Variants in CHLSN observed in about 807,000 individuals in gnomAD.
The protein encoded by CHLSN is cholesin.
the CHLSN span, among the ~76,000 whole-genome samples, chr7:1,087,603 T>TG: frequency 2.0e-5 from 3 of 152,232 alleles, no homozygotes; most frequent in Non-Finnish European, 4.4e-5. Context: ...TGTCGGACTG[T>TG]GGGGCACTCT....
chr7:1,133,409 A>ACAAAAC, the CHLSN span, among the ~76,000 whole-genome samples: 1 of 149,432 alleles, frequency 6.7e-6, no homozygotes, highest in Non-Finnish European at 1.5e-5. Flanking sequence ...AAAAAAAAAA[A>ACAAAAC]AAAACTATAA....
chr7:1,130,230 C>A, the CHLSN span, among the ~76,000 whole-genome samples: 1 of 152,244 alleles, frequency 6.6e-6, no homozygotes, highest in South Asian at 2.1e-4. Flanking sequence ...GACGGCAGAA[C>A]CCGTGTCCTT....
At chr7:993,548 G>C in the CHLSN span, among the ~76,000 whole-genome samples, 1 of 152,122 alleles carries the variant, frequency 6.6e-6, no homozygotes, top group East Asian at 1.9e-4. Context: ...GCCGGGGTGG[G>C]AGGATCGCTT....
chr7:1,109,712 C>T, the CHLSN span, among the ~76,000 whole-genome samples: 1 of 151,364 alleles, frequency 6.6e-6, no homozygotes, highest in African/African-American at 2.4e-5. Flanking sequence ...TCCCCTCCCC[C>T]GCCGGGCCCT....
the CHLSN span, among the ~76,000 whole-genome samples, chr7:1,028,074 G>C: frequency 6.6e-6 from 1 of 151,874 alleles, no homozygotes; most frequent in Admixed American, 6.6e-5. Context: ...GCGCGCAGCG[G>C]AGCCCCGAGA....
At chr7:997,854 G>A in the CHLSN span, 8 of 1,497,076 alleles carry the variant, frequency 5.3e-6, no homozygotes, top group Admixed American at 5.8e-5. Flanking sequence ...GGGAGGGGCC[G>A]CTGAACAGCA....
the CHLSN span, among the ~76,000 whole-genome samples, chr7:1,103,760 C>A: frequency 6.6e-6 from 1 of 152,244 alleles, no homozygotes; most frequent in Non-Finnish European, 1.5e-5. Flanking sequence ...CTCATGGCAT[C>A]TCCCCAGCCC....
the CHLSN span, among the ~76,000 whole-genome samples, chr7:1,000,108 G>A: frequency 3.3e-5 from 5 of 152,246 alleles, no homozygotes; most frequent in African/African-American, 1.2e-4. Context: ...CGGCGGCAGG[G>A]CTCCTGGAGG....
At chr7:1,122,151 C>T in the CHLSN span, among the ~76,000 whole-genome samples, 1 of 152,220 alleles carries the variant, frequency 6.6e-6, no homozygotes, top group Non-Finnish European at 1.5e-5. Flanking sequence ...GACCAGCTGG[C>T]CAGGTGACTG....
At chr7:985,306 G>T in the CHLSN span, 1 of 1,551,086 alleles carries the variant, frequency 6.4e-7, no homozygotes, top group South Asian at 1.2e-5. Flanking sequence ...GGTCCTCTTG[G>T]GGTCCCCTGG....
the CHLSN span, among the ~76,000 whole-genome samples, chr7:1,016,842 C>CCAGCGCA: frequency 8.9e-6 from 1 of 112,802 alleles, no homozygotes; most frequent in Non-Finnish European, 1.7e-5. Flanking sequence ...GCAGCGCACG[C>CCAGCGCA]CAGCACACAG....
chr7:1,104,386 G>T, the CHLSN span, among the ~76,000 whole-genome samples: 1 of 152,246 alleles, frequency 6.6e-6, no homozygotes, highest in African/African-American at 2.4e-5. Context: ...CTCCAGCCTG[G>T]GAAACAGCGA....
the CHLSN span, chr7:997,640 C>T: frequency 1.9e-6 from 3 of 1,607,010 alleles, no homozygotes; most frequent in Non-Finnish European, 2.5e-6. Context: ...AGAGCAGCTG[C>T]AGCACCTGTC....
chr7:980,470 AC>A, the CHLSN span, among the ~76,000 whole-genome samples: 1 of 152,310 alleles, frequency 6.6e-6, no homozygotes, highest in East Asian at 1.9e-4. Flanking sequence ...TGGCTCAGCC[AC>A]CTGGTTTCTA....
At chr7:1,058,782 C>T in the CHLSN span, 2,410 of 491,448 alleles carry the variant, frequency 4.9e-3, 22 homozygotes, top group Middle Eastern at 0.026. Flanking sequence ...AAAGCCTCCT[C>T]GCCTTCAGCC....
chr7:1,087,970 GC>G, the CHLSN span: 1 of 152,386 alleles, frequency 6.6e-6, no homozygotes, highest in Admixed American at 6.5e-5. Context: ...TGAGCTGATT[GC>G]CAAAGTGTGG....
the CHLSN span, chr7:984,653 C>T: frequency 1.8e-5 from 27 of 1,490,824 alleles, no homozygotes; most frequent in Admixed American, 1.2e-4. Flanking sequence ...GCTCCAGCAG[C>T]GGGAGAGGCT....
chr7:1,075,955 G>A, the CHLSN span: 1 of 151,796 alleles, frequency 6.6e-6, no homozygotes, highest in Admixed American at 6.6e-5. Flanking sequence ...GAACAGCAGA[G>A]TCTGAGTCAC....
chr7:1,070,542 A>C, the CHLSN span, among the ~76,000 whole-genome samples: 1 of 146,904 alleles, frequency 6.8e-6, no homozygotes, highest in Admixed American at 6.8e-5. Context: ...CCACGTGCAC[A>C]GGGACACACG....
Sources: gnomAD v4.1 joint callset for allele counts (sites outside exome capture counted in the v4.1 genomes callset) on GRCh38, gnomAD v4.1.1 for gene constraint, MANE v1.5 for transcripts, NCBI Gene and HGNC (gene_info 2026-07-23, HGNC 2026-07-21) for gene names.